Variants in GLIS1 observed in about 807,000 individuals in gnomAD.
The protein encoded by GLIS1 is zinc finger protein GLIS1.
A neutral mutation model predicts 63.8 loss-of-function variants in GLIS1; 24 were observed. The ratio of observed to expected loss-of-function variants is 0.38; its 90% CI spans 0.27 to 0.53. The LOEUF (loss-of-function observed/expected upper bound fraction) is 0.53, where lower values mean the gene tolerates loss of function less well. GLIS1 is among the 20% of genes least tolerant of loss of function. The pLI is 0.85. For synonymous variants in GLIS1, 450 were observed against 482.5 expected (o/e 0.93, Z 0.88); for missense variants, 1,036 against 1,074.1 (o/e 0.96, Z 0.50).
At position 53,596,744 on chromosome 1, in the gene GLIS1, G is replaced by A. The variant is rs968732148; in HGVS notation, c.438-1754C>T. On this transcript the variant is annotated intron_variant, in intron 3 of 10. Coordinates refer to ENST00000628545, the MANE Select transcript of GLIS1 (RefSeq NM_001367484.1). ...GAGCAGCCCGAGCTCCAGTCATGAGGTACAGGAGGGGAGGGGAAGGGACAG... is the reference window on the plus strand; with the variant it reads ...GAGCAGCCCGAGCTCCAGTCATGAGATACAGGAGGGGAGGGGAAGGGACAG... 3.3e-5 allele frequency among the ~76,000 whole-genome samples: 5 copies of A among 152,156 alleles called. No individual in the cohort carries two copies. In the East Asian group the frequency reaches 9.7e-4, roughly 29 times the overall value.
intron 10 of GLIS1, among the ~76,000 whole-genome samples, chr1:53,507,574 C>G (rs944972137): frequency 6.6e-6 from 1 of 152,262 alleles, no homozygotes; most frequent in Non-Finnish European, 1.5e-5. Context: ...AGGCGAGCCT[C>G]AGTCTACGCA....
At chr1:53,656,014 C>T (rs1307447675) in intron 2 of GLIS1, among the ~76,000 whole-genome samples, 9 of 152,218 alleles carry the variant, frequency 5.9e-5, no homozygotes, top group Non-Finnish European at 1.2e-4. Flanking sequence ...AGTCCCATGG[C>T]CAGTGGCCTC....
chr1:53,518,397 C>T (rs925790001), intron 7 of GLIS1, among the ~76,000 whole-genome samples: 7 of 152,208 alleles, frequency 4.6e-5, no homozygotes, highest in South Asian at 4.1e-4. Context: ...GTGATGTCCA[C>T]GCACAGTCCC....
intron 4 of GLIS1, among the ~76,000 whole-genome samples, chr1:53,554,261 AC>A (rs1439361486): frequency 6.6e-6 from 1 of 152,124 alleles, no homozygotes; most frequent in Non-Finnish European, 1.5e-5. Flanking sequence ...AGAGGAGGGG[AC>A]AGAGGCACAG....
At position 53,574,520 on chromosome 1, in the gene GLIS1, A is replaced by G. The variant is rs1645013528; in HGVS notation, c.1320+19588T>C. The stretch of plus-strand genomic sequence containing the variant: ...GCTCTGGGACACCCACCTAAACACC[A>G]TTGTACAGGTGAGGAAACAGAAGCT... On this transcript the variant is annotated intron_variant, in intron 4 of 10. Coordinates refer to ENST00000628545, the MANE Select transcript of GLIS1 (RefSeq NM_001367484.1). The surrounding 1 kb of genome is among the most constrained non-coding windows in gnomAD (Gnocchi z 4.2). Among the ~76,000 whole-genome samples the G allele has an allele frequency of 6.6e-6, 1 of 152,072 alleles. No homozygotes were observed. Among genetic ancestry groups the G allele is most frequent in the Non-Finnish European group, 1.5e-5 (1 of 68,012 alleles).
At chr1:53,585,918 C>T (rs1408888429) in intron 4 of GLIS1, among the ~76,000 whole-genome samples, 1 of 152,238 alleles carries the variant, frequency 6.6e-6, no homozygotes, top group Non-Finnish European at 1.5e-5. Context: ...TCCCATTTTA[C>T]AGATGCAAAA....
chr1:53,520,532 T>C, intron 7 of GLIS1, 102 bp downstream of exon 7: 1 of 1,322,750 alleles, frequency 7.6e-7, no homozygotes, highest in Non-Finnish European at 9.9e-7. Context: ...CAACATGTCA[T>C]GCCCATGTGG....
At chr1:53,738,692 G>A (rs141321282) in intron 1 of GLIS1, among the ~76,000 whole-genome samples, 25 of 152,272 alleles carry the variant, frequency 1.6e-4, no homozygotes, top group African/African-American at 5.1e-4. Flanking sequence ...ATCCTGCGAC[G>A]CGAACCCATC....
intron 4 of GLIS1, among the ~76,000 whole-genome samples, chr1:53,565,775 TATC>T (rs766062264): frequency 6.6e-6 from 1 of 151,938 alleles, no homozygotes; most frequent in African/African-American, 2.4e-5. Context: ...TCAAAGAACA[TATC>T]ATTCTAATCT....
Position 53,506,707 on chromosome 1 carries a change from G to A in GLIS1, c.2300C>T (p.Ser767Phe). The A allele has an allele frequency of 6.2e-7, 1 of 1,613,418 alleles. No individual in the cohort carries two copies. Among genetic ancestry groups the A allele is most frequent in the Non-Finnish European group, 8.5e-7 (1 of 1,179,986 alleles). Reference protein sequence around the residue: ...LPQQPSEDVVSSGPEDCGFFP... With the variant: ...LPQQPSEDVVFSGPEDCGFFP... ...GAAGCCACAGTCCTCGGGGCCGCTGGACACCACATCTTCAGATGGCTGCTG... is the reference window on the plus strand; with the variant it reads ...GAAGCCACAGTCCTCGGGGCCGCTGAACACCACATCTTCAGATGGCTGCTG... Residue 767 changes from serine (S) to phenylalanine (F), a missense_variant, in exon 11 of 11, where the codon TCC (serine) becomes TTC (phenylalanine). Physicochemically the swap from Ser to Phe is radical, Grantham distance 155 (BLOSUM62 -2). Transcript: ENST00000628545.
chr1:53,679,850 T>C (rs1646256135), intron 2 of GLIS1, among the ~76,000 whole-genome samples: 1 of 152,212 alleles, frequency 6.6e-6, no homozygotes, highest in Non-Finnish European at 1.5e-5. Flanking sequence ...TCCAGCTCGT[T>C]GGTCCTTTCT....
intron 2 of GLIS1, among the ~76,000 whole-genome samples, chr1:53,614,162 A>G (rs967066264): frequency 6.6e-6 from 1 of 152,246 alleles, no homozygotes; most frequent in African/African-American, 2.4e-5. Flanking sequence ...ATGAGAAAGG[A>G]AAGTCTCTAC....
chr1:53,518,866 G>C (rs1219267280), intron 7 of GLIS1, among the ~76,000 whole-genome samples: 3 of 152,250 alleles, frequency 2.0e-5, no homozygotes, highest in Non-Finnish European at 4.4e-5. Flanking sequence ...CCTGAGGCCG[G>C]CATCTGGGAG....
Position 53,721,966 on chromosome 1 carries a change from A to G in GLIS1, c.259+15840T>C, listed in dbSNP as rs577349637. Among the ~76,000 whole-genome samples, 47 of 152,344 alleles carry G rather than the reference A, an allele frequency of 3.1e-4. No individual in the cohort carries two copies. In the South Asian group the frequency reaches 9.3e-3, roughly 30 times the overall value. ...GCACTTTAAAAATGCCAATTCTTAA[A>G]TTTTATAAGTAAAATATTCAGATGC... On this transcript the variant is annotated intron_variant, in intron 2 of 10. Coordinates refer to ENST00000628545, the MANE Select transcript of GLIS1 (RefSeq NM_001367484.1).
At chr1:53,579,107 T>C (rs1484116410) in intron 4 of GLIS1, among the ~76,000 whole-genome samples, 3 of 150,104 alleles carry the variant, frequency 2.0e-5, no homozygotes, top group African/African-American at 7.3e-5. Context: ...TGTTAATACA[T>C]AATATGTTTT....
rs193223939 is a variant in GLIS1, at chr1:53,526,776, G to T, written c.1483-1889C>A. ...ACATTCGCCTGGAAACGGGCGGCAA[G>T]GCCCATCTCTGTGTTTGTTTTTCCA... On this transcript the variant is annotated intron_variant, in intron 5 of 10. Coordinates refer to ENST00000628545, the MANE Select transcript of GLIS1 (RefSeq NM_001367484.1). The surrounding 1 kb of genome is among the most constrained non-coding windows in gnomAD (Gnocchi z 4.4). Among the ~76,000 whole-genome samples, 43 of 152,392 alleles carry T rather than the reference G, an allele frequency of 2.8e-4. No individual in the cohort carries two copies. The highest frequency in any genetic ancestry group is 1.0e-3 in the African/African-American group (42 of 41,590).
chr1:53,596,446 C>A (rs1353755487), intron 3 of GLIS1, among the ~76,000 whole-genome samples: 6 of 152,186 alleles, frequency 3.9e-5, no homozygotes. Flanking sequence ...TAGGACACCC[C>A]ACGCCACCTC....
At chr1:53,530,054 C>T in intron 4 of GLIS1, 102 bp from the exon 5 acceptor site, 1 of 1,072,026 alleles carries the variant, frequency 9.3e-7, no homozygotes, top group Non-Finnish European at 1.3e-6. Context: ...ACCCCTGCCC[C>T]TCCCATCCTG....
At chr1:53,625,243 G>C (rs970341104) in intron 2 of GLIS1, among the ~76,000 whole-genome samples, 2 of 152,228 alleles carry the variant, frequency 1.3e-5, no homozygotes, top group East Asian at 3.8e-4. Flanking sequence ...CCCTGAAAGA[G>C]TATTTGCCAG....
Sources: allele counts gnomAD v4.1 joint callset (sites outside exome capture counted in the v4.1 genomes callset), GRCh38; gene constraint gnomAD v4.1.1; non-coding constraint Gnocchi (gnomAD v3.1); transcripts MANE v1.5; gene names NCBI Gene and HGNC (gene_info 2026-07-23, HGNC 2026-07-21).